SLC44A2: variants seen among roughly 807,000 people sequenced by gnomAD.
The protein encoded by SLC44A2 is solute carrier family 44 member 2 (CTL2 blood group), also known as choline transporter-like protein 2.
SLC44A2 carries 57 observed loss-of-function variants against 90.8 expected under a neutral mutation model. That is an observed-to-expected ratio of 0.63 (90% CI 0.51 to 0.78). SLC44A2 has a LOEUF of 0.78. SLC44A2 is among the 30% of genes least tolerant of loss of function. The pLI, the probability that SLC44A2 is intolerant of heterozygous loss-of-function variation, is 0.00. For synonymous variants in SLC44A2, 355 were observed against 360.7 expected, an observed-to-expected ratio of 0.98 and a Z score of 0.18; for missense variants, 794 against 919.7, an observed-to-expected ratio of 0.86 and a Z score of 1.77.
intron 1 of SLC44A2, among the ~76,000 whole-genome samples, chr19:10,607,839 G>A (rs1430269082): frequency 9.4e-5 from 14 of 148,912 alleles, no homozygotes; most frequent in Admixed American, 2.7e-4. Context: ...ACCGCCTCCC[G>A]GGTTCATGCC....
chr19:10,614,511 G>A (rs1027361180), intron 1 of SLC44A2, among the ~76,000 whole-genome samples: 20 of 152,038 alleles, frequency 1.3e-4, no homozygotes, highest in Non-Finnish European at 2.8e-4. Flanking sequence ...GGGATTGCAG[G>A]CATGAGTCAC....
At chr19:10,641,561 G>A in intron 20 of SLC44A2, 1 of 353,408 alleles carries the variant, frequency 2.8e-6, no homozygotes, top group South Asian at 2.2e-5. Context: ...GTTAAAGAAA[G>A]CAAGGGTGAG....
In SLC44A2 at chr19:10,631,955, A is replaced by T. The variant is rs1013117359; in HGVS notation, c.710+4A>T. On this transcript the variant is annotated splice_donor_region_variant and intron_variant, in intron 9 of 21. Coordinates refer to ENST00000335757, the MANE Select transcript of SLC44A2 (RefSeq NM_020428.4). ...TCTCTTGGTACTGGATTATCATGTA[A>T]GTCAGGAGGGAAGGGGCCTCTCCCC... 6.8e-6 allele frequency: 11 copies of T among 1,614,070 alleles called. No individual in the cohort carries two copies. In the Admixed American group the frequency reaches 1.0e-4, roughly 15 times the overall value.
intron 20 of SLC44A2, among the ~76,000 whole-genome samples, chr19:10,638,630 T>C (rs2067084415): frequency 6.6e-6 from 1 of 151,550 alleles, no homozygotes; most frequent in South Asian, 2.1e-4. Context: ...TATTTATTTT[T>C]TAATTTTAAT....
At chr19:10,626,659 C>A (rs1055174350) in intron 2 of SLC44A2, among the ~76,000 whole-genome samples, 16 of 151,404 alleles carry the variant, frequency 1.1e-4, no homozygotes, top group Non-Finnish European at 5.9e-5. Flanking sequence ...GAGCTCAAAG[C>A]GATCCACCTG....
chr19:10,636,682 C>T lies in SLC44A2; in HGVS notation c.1517C>T (p.Ala506Val). Residue 506 changes from alanine (A) to valine (V), a missense_variant, in exon 16 of 22, where the codon GCC becomes GTC. Ala to Val is a moderately conservative substitution (Grantham distance 64). This residue lies in a region of SLC44A2 where 738 missense variants were observed against 841.1 expected (regional missense o/e 0.88). Coordinates refer to ENST00000335757, the MANE Select transcript of SLC44A2 (RefSeq NM_020428.4). ...RALRYHTGSL[A>V]FGALILAIVQ... ...CGCAGGTACCACACAGGCTCCCTGG[C>T]CTTTGGCGCGCTCATCCTGGCCATT... 2 of 1,613,596 alleles carry T rather than the reference C, an allele frequency of 1.2e-6. No homozygotes were observed. The highest frequency in any genetic ancestry group is 1.3e-5 in the African/African-American group (1 of 74,940).
chr19:10,606,934 C>T (rs200278976), intron 1 of SLC44A2, among the ~76,000 whole-genome samples: 13 of 125,502 alleles, frequency 1.0e-4, no homozygotes, highest in Non-Finnish European at 1.6e-4. Context: ...TTTTTTGAGA[C>T]GGAGTCTCGC....
chr19:10,635,383 C>A, intron 13 of SLC44A2, 48 bp from the exon 14 acceptor site: 2 of 1,610,058 alleles, frequency 1.2e-6, no homozygotes, highest in South Asian at 1.1e-5. Context: ...CCACAAAAGT[C>A]CCTGGGGTCC....
intron 20 of SLC44A2, among the ~76,000 whole-genome samples, chr19:10,640,476 T>C (rs555112328): frequency 3.9e-5 from 6 of 152,098 alleles, no homozygotes; most frequent in Non-Finnish European, 8.8e-5. Flanking sequence ...ACAATAATAA[T>C]AGAGGCAGTG....
In SLC44A2 at chr19:10,635,185, T is replaced by G; in HGVS notation, c.1078T>G (p.Ser360Ala). The G allele has an allele frequency of 6.2e-7, 1 of 1,614,010 alleles. No homozygotes were observed. The highest frequency in any genetic ancestry group is 8.5e-7 in the Non-Finnish European group (1 of 1,180,028). ...ASRAVGYVMC[S>A]LLYPLVTFFL... ...TAGGGCTGTGGGATACGTCATGTGC[T>G]CCTTGCTCTACCCACTGGTCACCTT... Residue 360 changes from serine (S) to alanine (A), a missense_variant, in exon 13 of 22, where the codon TCC (serine) becomes GCC (alanine). This residue lies in a region of SLC44A2 where 738 missense variants were observed against 841.1 expected (regional missense o/e 0.88). Transcript: ENST00000335757.
intron 1 of SLC44A2, among the ~76,000 whole-genome samples, chr19:10,607,671 G>T (rs1204337277): frequency 6.7e-6 from 1 of 150,220 alleles, no homozygotes; most frequent in African/African-American, 2.4e-5. Context: ...TTGTTTATTT[G>T]TTTTGCCTAA....
At chr19:10,635,938 C>T (rs1419206299) in intron 14 of SLC44A2, 3 of 260,126 alleles carry the variant, frequency 1.2e-5, no homozygotes, top group Non-Finnish European at 2.2e-5. Flanking sequence ...ACCAGCACAC[C>T]AGGCTAATTT....
At chr19:10,642,119 G>A (rs907824210) in intron 20 of SLC44A2, among the ~76,000 whole-genome samples, 1 of 151,340 alleles carries the variant, frequency 6.6e-6, no homozygotes, top group South Asian at 2.1e-4. Flanking sequence ...ATCGTACCAT[G>A]GCACTCCAGT....
At chr19:10,607,293 A>C (rs1182979725) in intron 1 of SLC44A2, among the ~76,000 whole-genome samples, 1 of 151,972 alleles carries the variant, frequency 6.6e-6, no homozygotes, top group Non-Finnish European at 1.5e-5. Flanking sequence ...TACGGCTTTG[A>C]GATGAAAGTT....
chr19:10,627,120 A>G (rs1568448087), intron 2 of SLC44A2, among the ~76,000 whole-genome samples: 1 of 152,168 alleles, frequency 6.6e-6, no homozygotes, highest in Non-Finnish European at 1.5e-5. Context: ...TAGGAGTTCG[A>G]GACCAGCCTG....
At chr19:10,624,275 T>C (rs8110479), upstream of SLC44A2, among the ~76,000 whole-genome samples, 147,331 of 152,272 alleles carry the variant, frequency 0.97, 71,306 homozygotes, top group East Asian at 1. Context: ...GGATTATAGG[T>C]GTTAGCCACC....
At chr19:10,637,046 AAG>A in intron 16 of SLC44A2, 1 of 375,282 alleles carries the variant, frequency 2.7e-6, no homozygotes, top group Non-Finnish European at 4.9e-6. Flanking sequence ...ATTTGCGCTG[AAG>A]AGAGCAGGAA....
intron 10 of SLC44A2, 141 bp downstream of exon 10, chr19:10,632,297 G>A (rs185009280): frequency 4.5e-4 from 295 of 659,638 alleles, no homozygotes; most frequent in Non-Finnish European, 6.0e-4. Flanking sequence ...AGCACTTTGG[G>A]AGGCCGAGGC....
chr19:10,606,630 G>A (rs1292362881), intron 1 of SLC44A2, among the ~76,000 whole-genome samples: 1 of 152,004 alleles, frequency 6.6e-6, no homozygotes, highest in Non-Finnish European at 1.5e-5. Context: ...TACCAATATC[G>A]TGAAACCCTG....
Sources: gnomAD v4.1 joint callset for allele counts (sites outside exome capture counted in the v4.1 genomes callset) on GRCh38, gnomAD v4.1.1 for gene constraint, gnomAD v4.1.1 regional missense constraint, MANE v1.5 for transcripts, NCBI Gene and HGNC (gene_info 2026-07-23, HGNC 2026-07-21) for gene names.